The following MCC variants were observed in gnomAD, a reference collection of about 807,000 sequenced individuals.
MCC encodes the protein colorectal mutant cancer protein.
Under a neutral mutation model 116.2 loss-of-function variants are expected in MCC, and 90 were observed. The ratio of observed to expected loss-of-function variants is 0.77; its 90% CI spans 0.65 to 0.92. The LOEUF (loss-of-function observed/expected upper bound fraction) is 0.92, where lower values mean the gene tolerates loss of function less well. Among genes scored for constraint, MCC ranks in the 40% least tolerant of loss-of-function variants. The pLI, the probability that MCC is intolerant of heterozygous loss-of-function variation, is 0.00. For synonymous variants in MCC, 578 were observed against 510.5 expected (o/e 1.13, Z -1.78); for missense variants, 1,516 against 1,312.2 (o/e 1.16, Z -2.40).
chr5:113,375,027 G>A (rs1031570054), intron 2 of MCC, among the ~76,000 whole-genome samples: 5 of 147,662 alleles, frequency 3.4e-5, no homozygotes, highest in Non-Finnish European at 7.5e-5. Context: ...CACCATGTTT[G>A]TCTTGGAGCT....
At chr5:113,224,340 G>A (rs536762083) in intron 3 of MCC, among the ~76,000 whole-genome samples, 53 of 152,266 alleles carry the variant, frequency 3.5e-4, no homozygotes, top group African/African-American at 1.2e-3. Context: ...TGATCAGCCC[G>A]TCTCGGCCTC....
intron 17 of MCC, among the ~76,000 whole-genome samples, chr5:113,040,632 C>A (rs1025171789): frequency 6.6e-6 from 1 of 152,140 alleles, no homozygotes; most frequent in Non-Finnish European, 1.5e-5. Flanking sequence ...GTATATAATA[C>A]AAACCCAAAC....
intron 3 of MCC, among the ~76,000 whole-genome samples, chr5:113,264,835 G>A (rs1765361967): frequency 6.6e-6 from 1 of 152,148 alleles, no homozygotes; most frequent in South Asian, 2.1e-4. Context: ...CTGAGGTTAG[G>A]AGTTTGAGAC....
intron 17 of MCC, among the ~76,000 whole-genome samples, chr5:113,037,656 T>C (rs1396630887): frequency 6.6e-6 from 1 of 152,168 alleles, no homozygotes; most frequent in Non-Finnish European, 1.5e-5. Context: ...ATTGTGCCAC[T>C]ATACTCCGGC....
intron 3 of MCC, among the ~76,000 whole-genome samples, chr5:113,325,635 C>T (rs771736910): frequency 3.3e-5 from 5 of 151,802 alleles, no homozygotes; most frequent in Admixed American, 1.3e-4. Flanking sequence ...TATTGAACAA[C>T]GGAAACTCAT....
At chr5:113,095,770 C>T (rs7708475) in intron 8 of MCC, among the ~76,000 whole-genome samples, 69,327 of 151,864 alleles carry the variant, frequency 0.46, 17,371 homozygotes, top group African/African-American at 0.68. Context: ...GAGTAAGTCC[C>T]GCTTTGCCTT....
chr5:113,124,648 G>T (rs936007274), intron 5 of MCC, among the ~76,000 whole-genome samples: 8 of 152,212 alleles, frequency 5.3e-5, no homozygotes, highest in Admixed American at 6.5e-5. Flanking sequence ...GCAGTGAATT[G>T]GGAAAGTATG....
chr5:113,438,180 C>G (rs971104148), intron 1 of MCC, among the ~76,000 whole-genome samples: 1 of 152,178 alleles, frequency 6.6e-6, no homozygotes, highest in Non-Finnish European at 1.5e-5. Flanking sequence ...TTTCCCCTAA[C>G]TTTCCTTATT....
chr5:113,198,057 C>T (rs1210243173), intron 3 of MCC, among the ~76,000 whole-genome samples: 2 of 152,246 alleles, frequency 1.3e-5, no homozygotes, highest in Admixed American at 1.3e-4. Context: ...CTATATAATT[C>T]AGTTAACAGG....
chr5:113,333,159 T>C (rs2150375520), intron 3 of MCC, among the ~76,000 whole-genome samples: 1 of 151,834 alleles, frequency 6.6e-6, no homozygotes, highest in Non-Finnish European at 1.5e-5. Flanking sequence ...AGAAGACCTC[T>C]GTCTCTCTCA....
intron 14 of MCC, among the ~76,000 whole-genome samples, chr5:113,055,822 G>C (rs1187005856): frequency 1.3e-5 from 2 of 152,190 alleles, no homozygotes; most frequent in Non-Finnish European, 2.9e-5. Context: ...GAGACTACAG[G>C]GAGACTGTTT....
chr5:113,028,572 T>C (rs1750739718), intron 18 of MCC, among the ~76,000 whole-genome samples: 2 of 152,224 alleles, frequency 1.3e-5, no homozygotes, highest in East Asian at 3.8e-4. Flanking sequence ...GATATTGTGT[T>C]GCTCAAATAA....
chr5:113,125,171 G>T (rs1414069015), intron 5 of MCC, among the ~76,000 whole-genome samples: 1 of 152,160 alleles, frequency 6.6e-6, no homozygotes, highest in African/African-American at 2.4e-5. Context: ...TTGCACCGGA[G>T]GATGCAAATA....
In MCC at chr5:113,334,313, T is replaced by C. The variant is rs1337016433; in HGVS notation, c.627+6206A>G. On this transcript the variant is annotated intron_variant, in intron 3 of 18. Transcript: ENST00000408903. Reference sequence around the variant, plus strand: ...ACTTTCACCTCCCGAGCTCAAGTGATCCTCCCACTTCAGCCTCCCAAGTAG... The same window carrying C: ...ACTTTCACCTCCCGAGCTCAAGTGACCCTCCCACTTCAGCCTCCCAAGTAG... Among the ~76,000 whole-genome samples, 7 of 150,718 alleles carry C rather than the reference T, an allele frequency of 4.6e-5. 1 individual carries two copies. Among genetic ancestry groups the C allele is most frequent in the African/African-American group, 1.7e-4 (7 of 40,570 alleles).
At chr5:113,410,270 T>C (rs1252383192) in intron 1 of MCC, among the ~76,000 whole-genome samples, 3 of 152,242 alleles carry the variant, frequency 2.0e-5, no homozygotes, top group Non-Finnish European at 4.4e-5. Flanking sequence ...TTTATATCCA[T>C]TTAACATCAT....
Position 113,022,530 on chromosome 5 carries a change from A to T in MCC, c.*4772T>A, listed in dbSNP as rs969052785. 6.6e-6 allele frequency: 1 copy of T among 152,558 alleles called. No individual in the cohort carries two copies. The highest frequency in any genetic ancestry group is 6.5e-5 in the Admixed American group (1 of 15,308). 9.5% of individuals were successfully genotyped at this position (152,558 alleles called of 1,614,324 possible). A position where few individuals can be genotyped will look rare whatever the true frequency, so the allele number is the denominator to read the frequency against. On this transcript the variant is annotated 3_prime_UTR_variant, in exon 19 of 19. Transcript: ENST00000408903. ...GATTAGAACTAGAAAAGAAGTGGACATGTTTTATTATCTTTGCATTACGTT... is the reference window on the plus strand; with the variant it reads ...GATTAGAACTAGAAAAGAAGTGGACTTGTTTTATTATCTTTGCATTACGTT...
intron 11 of MCC, among the ~76,000 whole-genome samples, chr5:113,073,860 T>C (rs557776675): frequency 1.3e-5 from 2 of 152,170 alleles, no homozygotes; most frequent in South Asian, 4.2e-4. Flanking sequence ...GAGGGTTGAG[T>C]AGGTAAACAA....
intron 3 of MCC, among the ~76,000 whole-genome samples, chr5:113,175,566 A>T (rs1761290543): frequency 6.6e-6 from 1 of 152,182 alleles, no homozygotes; most frequent in Admixed American, 6.5e-5. Context: ...GAGTAGTGAC[A>T]GATAAATAGA....
At chr5:113,195,486 C>T (rs150717054) in intron 3 of MCC, among the ~76,000 whole-genome samples, 17 of 152,188 alleles carry the variant, frequency 1.1e-4, no homozygotes, top group African/African-American at 4.1e-4. Flanking sequence ...TTCTCAGTGT[C>T]GCCACTCCCC....
Sources: gnomAD v4.1 joint callset for allele counts (sites outside exome capture counted in the v4.1 genomes callset) on GRCh38, gnomAD v4.1.1 for gene constraint, MANE v1.5 for transcripts, NCBI Gene and HGNC (gene_info 2026-07-23, HGNC 2026-07-21) for gene names.